Variants in MAP2K6 observed in about 807,000 individuals in gnomAD.
The protein encoded by MAP2K6 is mitogen-activated protein kinase kinase 6.
Under a neutral mutation model 53.7 loss-of-function variants are expected in MAP2K6, and 16 were observed. The ratio of observed to expected loss-of-function variants is 0.30; its 90% CI spans 0.20 to 0.45. MAP2K6 has a LOEUF of 0.45. MAP2K6 is among the 20% of genes least tolerant of loss of function. The pLI is 1.00. For synonymous variants in MAP2K6, 132 were observed against 143.1 expected, an observed-to-expected ratio of 0.92 and a Z score of 0.55; for missense variants, 204 against 411.9, an observed-to-expected ratio of 0.50 and a Z score of 4.37.
chr17:69,527,609 G>A (rs56344018), intron 10 of MAP2K6, among the ~76,000 whole-genome samples: 41 of 152,298 alleles, frequency 2.7e-4, no homozygotes, highest in Admixed American at 7.2e-4. Flanking sequence ...ACACCCCTGA[G>A]CCAGGTTAGC....
Position 69,508,041 on chromosome 17 carries a change from GTTTTTTT to G in MAP2K6, c.83+2216_83+2222del, listed in dbSNP as rs71144698. Among the ~76,000 whole-genome samples, 405 of 44,894 alleles carry G rather than the reference GTTTTTTT, an allele frequency of 9.0e-3. 5 individuals carry two copies. Among genetic ancestry groups the G allele is most frequent in the Middle Eastern group, 0.042 (1 of 24 alleles). The allele number at this position is 44,894 out of a possible 152,430, so 29.5% of individuals were successfully genotyped here. A position where few individuals can be genotyped will look rare whatever the true frequency, so the allele number is the denominator to read the frequency against. On this transcript the variant is annotated intron_variant, in intron 2 of 11. Transcript: ENST00000590474. Reference sequence around the variant, plus strand: ...TCTGATGTGTAGTGATATATATGTAGTTTTTTTTTTTTTTTTTTTTTTTTTTTGAGAC... The same window carrying G: ...TCTGATGTGTAGTGATATATATGTAGTTTTTTTTTTTTTTTTTTTTGAGAC...
intron 1 of MAP2K6, among the ~76,000 whole-genome samples, chr17:69,432,276 A>G (rs1326549680): frequency 6.6e-6 from 1 of 152,212 alleles, no homozygotes; most frequent in Non-Finnish European, 1.5e-5. Flanking sequence ...CAGATATATC[A>G]TTTAACCCAG....
intron 2 of MAP2K6, among the ~76,000 whole-genome samples, chr17:69,509,544 TA>T (rs1463912182): frequency 6.6e-6 from 1 of 152,194 alleles, no homozygotes; most frequent in Admixed American, 6.5e-5. Context: ...GTTTTCTATA[TA>T]AACAGTCATG....
At chr17:69,525,089 C>G in intron 9 of MAP2K6, 111 bp downstream of exon 9, 1 of 785,920 alleles carries the variant, frequency 1.3e-6, no homozygotes. Flanking sequence ...GGGGCGCCCT[C>G]TCCTGCTGAG....
chr17:69,520,814 C>A, intron 6 of MAP2K6: 1 of 435,978 alleles, frequency 2.3e-6, no homozygotes. Context: ...AGAAGGAGGA[C>A]AAATGAACAA....
chr17:69,522,101 A>G (rs1910515441), intron 7 of MAP2K6, among the ~76,000 whole-genome samples: 1 of 152,198 alleles, frequency 6.6e-6, no homozygotes, highest in Non-Finnish European at 1.5e-5. Flanking sequence ...GGGAAGAGAT[A>G]ACCAGAACCC....
Position 69,414,929 on chromosome 17 carries a change from A to G in MAP2K6, c.-56A>G. 1 of 1,503,598 alleles carries G rather than the reference A, an allele frequency of 6.7e-7. No homozygotes were observed. The highest frequency in any genetic ancestry group is 9.2e-7 in the Non-Finnish European group (1 of 1,082,222). 93.1% of individuals were successfully genotyped at this position (1,503,598 alleles called of 1,614,324 possible). Reference sequence around the variant, plus strand: ...TCTTTGTTGCAAAACTAGCTACAGAAGAGAAGCAAGGCAAAGTCTTTTGTG... The same window carrying G: ...TCTTTGTTGCAAAACTAGCTACAGAGGAGAAGCAAGGCAAAGTCTTTTGTG... On this transcript the variant is annotated 5_prime_UTR_variant, in exon 1 of 12. Coordinates refer to ENST00000590474, the MANE Select transcript of MAP2K6 (RefSeq NM_002758.4).
At chr17:69,433,805 G>C (rs558520839) in intron 1 of MAP2K6, 28 of 152,346 alleles carry the variant, frequency 1.8e-4, no homozygotes, top group African/African-American at 6.0e-4. Context: ...TGTGGGGCAA[G>C]TGAAATGACA....
At chr17:69,483,062 T>A (rs1226443432) in intron 1 of MAP2K6, among the ~76,000 whole-genome samples, 4 of 151,950 alleles carry the variant, frequency 2.6e-5, no homozygotes, top group African/African-American at 7.2e-5. Context: ...AACATAAGGA[T>A]GTCTTTTCTT....
At chr17:69,457,048 C>T (rs569294855) in intron 1 of MAP2K6, among the ~76,000 whole-genome samples, 1 of 152,310 alleles carries the variant, frequency 6.6e-6, no homozygotes, top group East Asian at 1.9e-4. Flanking sequence ...AGAACATCTC[C>T]TTTTCCTTGT....
chr17:69,458,131 G>A (rs1474500984), intron 1 of MAP2K6, among the ~76,000 whole-genome samples: 2 of 152,058 alleles, frequency 1.3e-5, no homozygotes, highest in Admixed American at 6.6e-5. Context: ...TAGGCTCACT[G>A]CAACCTCCGC....
chr17:69,553,293 C>G lies in MAP2K6; in HGVS notation c.*11540C>G, dbSNP rs1912170173. ...ATTTCCCTCCTTTCTAATCCAAGAT[C>G]ATATTTTTAAAAAGTAGGTTTCTGA... On this transcript the variant is annotated 3_prime_UTR_variant, in exon 12 of 12. Coordinates refer to ENST00000590474, the MANE Select transcript of MAP2K6 (RefSeq NM_002758.4). 6.6e-6 allele frequency: 1 copy of G among 152,102 alleles called. No homozygotes were observed. Among genetic ancestry groups the G allele is most frequent in the Non-Finnish European group, 1.5e-5 (1 of 68,022 alleles). 9.4% of individuals were successfully genotyped at this position (152,102 alleles called of 1,614,324 possible).
chr17:69,505,972 G>A, intron 2 of MAP2K6, 126 bp downstream of exon 2: 1 of 727,242 alleles, frequency 1.4e-6, no homozygotes, highest in Non-Finnish European at 2.3e-6. Flanking sequence ...GAAGCCATTT[G>A]CTCACTGTTC....
At chr17:69,439,743 A>G (rs543707052) in intron 1 of MAP2K6, among the ~76,000 whole-genome samples, 2 of 152,082 alleles carry the variant, frequency 1.3e-5, no homozygotes, top group South Asian at 4.2e-4. Flanking sequence ...TTCTTTTTCT[A>G]ATCATTTCTT....
rs1461136204 is a variant in MAP2K6, at chr17:69,552,461, G to A, written c.*10708G>A. On this transcript the variant is annotated 3_prime_UTR_variant, in exon 12 of 12. Transcript: ENST00000590474. ...CTGGTTGGAATCATCTCTTCTTTAC[G>A]GATTGCCGCATTGTCTCTTTGTGAA... The A allele has an allele frequency of 2.0e-5, 3 of 152,168 alleles. No homozygotes were observed. Among genetic ancestry groups the A allele is most frequent in the East Asian group, 1.9e-4 (1 of 5,196 alleles). The allele number at this position is 152,168 out of a possible 1,614,324, so 9.4% of individuals were successfully genotyped here.
intron 1 of MAP2K6, among the ~76,000 whole-genome samples, chr17:69,469,878 G>A (rs1300989565): frequency 6.6e-6 from 1 of 152,130 alleles, no homozygotes; most frequent in Non-Finnish European, 1.5e-5. Context: ...GGTCGGTGGA[G>A]CAATGAAAGC....
intron 1 of MAP2K6, among the ~76,000 whole-genome samples, chr17:69,486,762 C>T (rs954135115): frequency 1.3e-5 from 2 of 148,532 alleles, no homozygotes; most frequent in East Asian, 1.9e-4. Flanking sequence ...ATCCAAACCC[C>T]CTGCTTAGGG....
chr17:69,455,164 G>C (rs189561433), intron 1 of MAP2K6, among the ~76,000 whole-genome samples: 1 of 152,146 alleles, frequency 6.6e-6, no homozygotes, highest in African/African-American at 2.4e-5. Context: ...TATGAGAGTT[G>C]CTTCATTTAG....
intron 1 of MAP2K6, among the ~76,000 whole-genome samples, chr17:69,480,391 A>C (rs1177947378): frequency 3.3e-5 from 5 of 152,162 alleles, no homozygotes; most frequent in Non-Finnish European, 7.3e-5. Context: ...GACTCTCCAC[A>C]GTCTTACCCC....
Sources: gnomAD v4.1 joint callset for allele counts (sites outside exome capture counted in the v4.1 genomes callset) on GRCh38, gnomAD v4.1.1 for gene constraint, MANE v1.5 for transcripts, NCBI Gene and HGNC (gene_info 2026-07-23, HGNC 2026-07-21) for gene names.